The following PECAM1 variants were observed in gnomAD, a reference collection of about 807,000 sequenced individuals.
PECAM1 encodes the protein platelet and endothelial cell adhesion molecule 1, also known as platelet endothelial cell adhesion molecule.
A neutral mutation model predicts 13.8 loss-of-function variants in PECAM1; 8 were observed. That is an observed-to-expected ratio of 0.58 (90% CI 0.34 to 1.05). PECAM1 has a LOEUF of 1.05. Ranked by LOEUF, PECAM1 falls within the 50% of genes least tolerant of loss-of-function variation. PECAM1 has a pLI of 0.03. For missense variants in PECAM1, 304 were observed against 141.2 expected, an observed-to-expected ratio of 2.15 and a Z score of -5.84; for synonymous variants, 136 against 52.6, an observed-to-expected ratio of 2.58 and a Z score of -6.86.
At chr17:64,359,040 C>T (rs919827616) in intron 7 of PECAM1, among the ~76,000 whole-genome samples, 57 of 152,120 alleles carry the variant, frequency 3.7e-4, no homozygotes, top group African/African-American at 1.3e-3. Flanking sequence ...TCAGGTGATC[C>T]GCCCACCTCA....
In PECAM1 at chr17:64,358,622, C is replaced by T. The variant is rs1019308705; in HGVS notation, c.1492+1518G>A. Among the ~76,000 whole-genome samples the T allele has an allele frequency of 6.1e-3, 923 of 152,264 alleles. 12 individuals are homozygous for T. The highest frequency in any genetic ancestry group is 0.021 in the African/African-American group (872 of 41,554). Reference sequence around the variant, plus strand: ...ACCATCACTGTAAGGATATAGTTCACGTGACAACCAAACATGACCCCTAAC... The same window carrying T: ...ACCATCACTGTAAGGATATAGTTCATGTGACAACCAAACATGACCCCTAAC... On this transcript the variant is annotated intron_variant, in intron 7 of 15. Coordinates refer to ENST00000563924, the MANE Select transcript of PECAM1 (RefSeq NM_000442.5).
intron 2 of PECAM1, among the ~76,000 whole-genome samples, chr17:64,384,622 C>T (rs2036553736): frequency 1.3e-5 from 2 of 152,306 alleles, no homozygotes; most frequent in Admixed American, 6.5e-5. Context: ...CAGCCCATAG[C>T]CACAGGAGTG....
Position 64,348,283 on chromosome 17 carries a change from A to G in PECAM1, c.2084T>C (p.Val695Ala). Residue 695 changes from valine to alanine, a missense_variant, in exon 13 of 16, where the codon GTG (valine) becomes GCG (alanine). Coordinates refer to ENST00000563924, the MANE Select transcript of PECAM1 (RefSeq NM_000442.5). ...NSDVQYTEVQVSSAESHKDLG... is the reference protein window; with the variant it reads ...NSDVQYTEVQASSAESHKDLG... Reference sequence around the variant, plus strand: ...ACCTTTGTGAGACTCAGCTGAGGACACTTGAACTTCCGTGTACTGCACGTC... The same window carrying G: ...ACCTTTGTGAGACTCAGCTGAGGACGCTTGAACTTCCGTGTACTGCACGTC... The G allele has an allele frequency of 4.2e-6, 2 of 475,372 alleles. No individual in the cohort carries two copies. Among genetic ancestry groups the G allele is most frequent in the East Asian group, 3.1e-5 (1 of 32,046 alleles). 29.4% of individuals were successfully genotyped at this position (475,372 alleles called of 1,614,324 possible).
At position 64,321,512 on chromosome 17, in the gene PECAM1, CTTTGCGAGG is replaced by C; in HGVS notation, c.*2295_*2303del. The C allele has an allele frequency of 1.1e-6, 1 of 922,300 alleles. No homozygotes were observed. Among genetic ancestry groups the C allele is most frequent in the Admixed American group, 5.6e-5 (1 of 18,008 alleles). 57.1% of individuals were successfully genotyped at this position (922,300 alleles called of 1,614,324 possible). A position where few individuals can be genotyped will look rare whatever the true frequency, so the allele number is the denominator to read the frequency against. ...GTGGCTCATGCCTGCAATCCCAGCA[CTTTGCGAGG>C]CCAAGGAGGGAGGATCACTTGAGCC... On this transcript the variant is annotated 3_prime_UTR_variant, in exon 16 of 16. Transcript: ENST00000563924.
intron 13 of PECAM1, among the ~76,000 whole-genome samples, chr17:64,342,595 TG>T (rs1197572275): frequency 1.3e-5 from 2 of 151,988 alleles, no homozygotes; most frequent in Non-Finnish European, 2.9e-5. Context: ...TGGATTGGTC[TG>T]GGGGGGTCCC....
chr17:64,364,476 C>A (rs1356698530), intron 5 of PECAM1, among the ~76,000 whole-genome samples: 1 of 152,128 alleles, frequency 6.6e-6, no homozygotes, highest in Non-Finnish European at 1.5e-5. Flanking sequence ...GATGATGAGG[C>A]CAGCATCATC....
chr17:64,365,070 A>G (rs2036072906), intron 5 of PECAM1, among the ~76,000 whole-genome samples: 1 of 151,742 alleles, frequency 6.6e-6, no homozygotes, highest in South Asian at 2.1e-4. Context: ...TATCTAGAAA[A>G]CCCCATTGTC....
intron 3 of PECAM1, among the ~76,000 whole-genome samples, chr17:64,375,752 G>T (rs9903171): frequency 0.8 from 120,622 of 151,528 alleles, 54,147 homozygotes; most frequent in East Asian, 1. Flanking sequence ...CACCTGAGCC[G>T]AGGAGGTTGA....
chr17:64,344,950 C>T (rs962608644), intron 13 of PECAM1, among the ~76,000 whole-genome samples: 3 of 152,184 alleles, frequency 2.0e-5, no homozygotes, highest in Non-Finnish European at 2.9e-5. Flanking sequence ...AGCTGCACAG[C>T]TTGGCAAGGA....
At chr17:64,348,054 T>C (rs1396806513) in intron 13 of PECAM1, among the ~76,000 whole-genome samples, 1 of 152,086 alleles carries the variant, frequency 6.6e-6, no homozygotes, top group Non-Finnish European at 1.5e-5. Context: ...TTTTAAATTA[T>C]TGAAATTTTA....
At chr17:64,383,942 C>T (rs1257560332) in intron 2 of PECAM1, among the ~76,000 whole-genome samples, 5 of 152,040 alleles carry the variant, frequency 3.3e-5, no homozygotes, top group Non-Finnish European at 7.4e-5. Context: ...GACCCGCTGG[C>T]CAACATGGTG....
chr17:64,331,687 G>A (rs2035125194), intron 14 of PECAM1, among the ~76,000 whole-genome samples: 1 of 152,368 alleles, frequency 6.6e-6, no homozygotes, highest in Non-Finnish European at 1.5e-5. Context: ...GGCAAGTGAC[G>A]GGTATGGCTT....
Position 64,348,383 on chromosome 17 carries a change from T to C in PECAM1, c.2045-61A>G, listed in dbSNP as rs1290426643. 1.6e-4 allele frequency: 77 copies of C among 468,402 alleles called. 2 individuals are homozygous for C. In the South Asian group the frequency reaches 4.8e-3, roughly 29 times the overall value. The allele number at this position is 468,402 out of a possible 1,614,324, so 29.0% of individuals were successfully genotyped here. A position where few individuals can be genotyped will look rare whatever the true frequency, so the allele number is the denominator to read the frequency against. ...TGGAATCTCTTGTGGGCACCTCAGA[T>C]CATAGAAGTAGAGACTTTCTTTTCT... On this transcript the variant is annotated intron_variant, in intron 12 of 15. Transcript: ENST00000563924.
Position 64,356,246 on chromosome 17 carries a change from T to C in PECAM1, c.1645A>G (p.Thr549Ala), listed in dbSNP as rs1289722482. Residue 549 changes from threonine (T) to alanine (A), a missense_variant, in exon 8 of 16, where the codon ACC becomes GCC. Physicochemically the swap from Thr to Ala is moderately conservative, Grantham distance 58. Transcript: ENST00000563924. ...CAAAATGCCTGGGTGGCATTTGAGG[T>C]CATTTGATAGAAGGGTTTGCCCTCT... Reference protein sequence around the residue: ...EKEGKPFYQMTSNATQAFWTK... With the variant: ...EKEGKPFYQMASNATQAFWTK... 16 of 474,762 alleles carry C rather than the reference T, an allele frequency of 3.4e-5. No individual in the cohort carries two copies. Among genetic ancestry groups the C allele is most frequent in the Non-Finnish European group, 6.2e-5 (16 of 259,066 alleles). The allele number at this position is 474,762 out of a possible 1,614,324, so 29.4% of individuals were successfully genotyped here. A position where few individuals can be genotyped will look rare whatever the true frequency, so the allele number is the denominator to read the frequency against.
At chr17:64,349,009 C>A (rs2035649878) in intron 12 of PECAM1, among the ~76,000 whole-genome samples, 3 of 152,082 alleles carry the variant, frequency 2.0e-5, no homozygotes, top group African/African-American at 4.8e-5. Flanking sequence ...AGCAGTTCTC[C>A]CAATTCAGTC....
At position 64,323,458 on chromosome 17, in the gene PECAM1, G is replaced by A; in HGVS notation, c.*358C>T. ...TATAAAAAAGAAAATTGGTTTCTGTGTATGAGGGTGCATGGAAAAGGTCTT... is the reference window on the plus strand; with the variant it reads ...TATAAAAAAGAAAATTGGTTTCTGTATATGAGGGTGCATGGAAAAGGTCTT... On this transcript the variant is annotated 3_prime_UTR_variant, in exon 16 of 16. Transcript: ENST00000563924. 8.2e-7 allele frequency: 1 copy of A among 1,212,792 alleles called. No homozygotes were observed. The highest frequency in any genetic ancestry group is 1.0e-6 in the Non-Finnish European group (1 of 963,758). The allele number at this position is 1,212,792 out of a possible 1,614,324, so 75.1% of individuals were successfully genotyped here.
intron 2 of PECAM1, among the ~76,000 whole-genome samples, chr17:64,385,546 C>A (rs1365608410): frequency 9.1e-6 from 1 of 109,412 alleles, no homozygotes; most frequent in Non-Finnish European, 1.9e-5. Flanking sequence ...TCTCAAGCAT[C>A]TCCAAGTTCA....
chr17:64,348,596 C>T lies in PECAM1; in HGVS notation c.2045-274G>A, dbSNP rs1040129308. ...CTAATTTTTGTATTTTTAGTAGAGA[C>T]GGGGTTAATTTTTGTATTTTTAGTA... On this transcript the variant is annotated intron_variant, in intron 12 of 15. Coordinates refer to ENST00000563924, the MANE Select transcript of PECAM1 (RefSeq NM_000442.5). 5.1e-3 allele frequency among the ~76,000 whole-genome samples: 780 copies of T among 151,486 alleles called. 3 individuals are homozygous for T. Among genetic ancestry groups the T allele is most frequent in the Admixed American group, 0.01 (154 of 15,186 alleles).
intron 12 of PECAM1, among the ~76,000 whole-genome samples, chr17:64,349,057 G>T (rs1396874897): frequency 6.6e-6 from 1 of 152,146 alleles, no homozygotes; most frequent in Non-Finnish European, 1.5e-5. Flanking sequence ...ACAGCCACAG[G>T]CAAACAAAGC....
Sources: allele counts gnomAD v4.1 joint callset (sites outside exome capture counted in the v4.1 genomes callset), GRCh38; gene constraint gnomAD v4.1.1; transcripts MANE v1.5; gene names NCBI Gene and HGNC (gene_info 2026-07-23, HGNC 2026-07-21).